The following UNC80 variants were observed in gnomAD, a reference collection of about 807,000 sequenced individuals.
The protein encoded by UNC80 is unc-80 subunit of NALCN channel complex.
In UNC80, 164 loss-of-function variants were observed where a neutral mutation model predicts 384.6. That is an observed-to-expected ratio of 0.43 (90% CI 0.38 to 0.49). The LOEUF is 0.49. Ranked by LOEUF, UNC80 falls within the 20% of genes least tolerant of loss-of-function variation. UNC80 has a pLI of 0.00. For missense variants in UNC80, 3,330 were observed against 4,143.0 expected, an observed-to-expected ratio of 0.80 and a Z score of 5.39; for synonymous variants, 1,486 against 1,527.8, an observed-to-expected ratio of 0.97 and a Z score of 0.64.
intron 59 of UNC80, 55 bp downstream of exon 59, chr2:209,978,763 G>A (rs1406441966): frequency 7.1e-7 from 1 of 1,404,114 alleles, no homozygotes; most frequent in African/African-American, 1.4e-5. Flanking sequence ...TACGAGCAGG[G>A]GCTTGGGAAG....
At chr2:209,918,197 G>A (rs977234) in intron 32 of UNC80, among the ~76,000 whole-genome samples, 224 of 152,274 alleles carry the variant, frequency 1.5e-3, no homozygotes, top group African/African-American at 5.2e-3. Context: ...AGCATTCCCA[G>A]AGGTAAGCAT....
intron 49 of UNC80, among the ~76,000 whole-genome samples, chr2:209,958,465 A>G (rs144201381): frequency 1.0e-3 from 156 of 152,330 alleles, no homozygotes; most frequent in African/African-American, 3.5e-3. Context: ...TTAAGTGTGT[A>G]TCATTATTCA....
At chr2:209,942,200 T>A (rs2091675722) in intron 44 of UNC80, among the ~76,000 whole-genome samples, 1 of 152,128 alleles carries the variant, frequency 6.6e-6, no homozygotes, top group South Asian at 2.1e-4. Flanking sequence ...TGCCTGATGA[T>A]CTGAGGTGGA....
intron 14 of UNC80, among the ~76,000 whole-genome samples, chr2:209,827,159 ATAAT>A (rs1037603467): frequency 1.3e-5 from 2 of 152,174 alleles, no homozygotes; most frequent in African/African-American, 4.8e-5. Context: ...TTTGAAAATA[ATAAT>A]TAATAAGGCT....
Position 209,831,446 on chromosome 2 carries a change from A to T in UNC80, c.2630A>T (p.Lys877Met). Residue 877 changes from lysine (K) to methionine (M), a missense_variant, in exon 16 of 65, where the codon AAG becomes ATG. Transcript: ENST00000673920. Reference protein sequence around the residue: ...GFCMEPVTDNKAGFGNNFTTV... With the variant: ...GFCMEPVTDNMAGFGNNFTTV... ...AATTTGTGCCTTTGCATTCCAGACA[A>T]GGCTGGGTTTGGAAATAACTTCACC... 4 of 1,548,030 alleles carry T rather than the reference A, an allele frequency of 2.6e-6. No homozygotes were observed. The highest frequency in any genetic ancestry group is 2.6e-6 in the Non-Finnish European group (3 of 1,145,486).
Position 209,941,295 on chromosome 2 carries a change from G to A in UNC80, c.6721G>A (p.Gly2241Ser), listed in dbSNP as rs764166622. 1.6e-4 allele frequency: 254 copies of A among 1,547,222 alleles called. 1 individual carries two copies. Among genetic ancestry groups the A allele is most frequent in the Non-Finnish European group, 2.1e-4 (243 of 1,143,448 alleles). ...CCAGCTGCTGGAGGAAATGTTCCTG[G>A]GCATGCCGAGCGAGTTTCCATGGGG... is the stretch of plus-strand genomic sequence containing the variant. ...WIQLLEEMFL[G>S]MPSEFPWGDE... Residue 2241 changes from glycine to serine, a missense_variant, in exon 44 of 65, where the codon GGC (glycine) becomes AGC (serine). Gly to Ser is a moderately conservative substitution (Grantham distance 56, BLOSUM62 0). This residue lies in a region of UNC80 where 1,049 missense variants were observed against 1,488.6 expected (regional missense o/e 0.70). Coordinates refer to ENST00000673920, the MANE Select transcript of UNC80 (RefSeq NM_001371986.1).
At chr2:209,825,111 G>A (rs1286768557) in intron 13 of UNC80, among the ~76,000 whole-genome samples, 1 of 152,214 alleles carries the variant, frequency 6.6e-6, no homozygotes, top group African/African-American at 2.4e-5. Context: ...GAATGTGGTA[G>A]AAGGACTGAG....
At chr2:209,978,857 C>T in intron 59 of UNC80, 149 bp downstream of exon 59, 1 of 740,458 alleles carries the variant, frequency 1.4e-6, no homozygotes, top group Non-Finnish European at 1.9e-6. Flanking sequence ...TGACTGATTC[C>T]ATGATTCCTA....
chr2:209,810,093 C>G (rs910104110), intron 7 of UNC80, among the ~76,000 whole-genome samples: 80 of 152,228 alleles, frequency 5.3e-4, no homozygotes, highest in African/African-American at 1.9e-3. Flanking sequence ...GACACCAGGA[C>G]GTGTCAGAGC....
In UNC80 at chr2:209,918,514, T is replaced by TC. The variant is rs1178798021; in HGVS notation, c.5212-17dup. 2 of 1,550,232 alleles carry TC rather than the reference T, an allele frequency of 1.3e-6. No homozygotes were observed. The highest frequency in any genetic ancestry group is 2.7e-5 in the African/African-American group (2 of 73,026). Reference sequence around the variant, plus strand: ...CTTATATTCCCTCTCACCTAATTTTTCTGATGTCAACTAACAGATTCCGCC... The same window carrying TC: ...CTTATATTCCCTCTCACCTAATTTTTCCTGATGTCAACTAACAGATTCCGCC... On this transcript the variant is annotated splice_polypyrimidine_tract_variant and intron_variant, in intron 32 of 64. Transcript: ENST00000673920.
At chr2:209,810,843 A>C (rs1461447780) in intron 7 of UNC80, among the ~76,000 whole-genome samples, 1 of 152,136 alleles carries the variant, frequency 6.6e-6, no homozygotes, top group Non-Finnish European at 1.5e-5. Context: ...TAATAAATCA[A>C]ATGATTTTCA....
At chr2:209,858,632 C>T (rs1370173089) in intron 22 of UNC80, among the ~76,000 whole-genome samples, 4 of 150,138 alleles carry the variant, frequency 2.7e-5, no homozygotes, top group South Asian at 2.1e-4. Context: ...AAACAGAGGT[C>T]GCAGTGAGCC....
chr2:209,969,441 G>T (rs1028112215), intron 52 of UNC80: 2 of 281,202 alleles, frequency 7.1e-6, no homozygotes, highest in African/African-American at 2.2e-5. Flanking sequence ...GTTCTATTGG[G>T]AGTAATTACC....
rs188349372 is a variant in UNC80, at chr2:209,950,335, T to C, written c.7287-3765T>C. ...AAATTTGTTCCTGATATGCTTTTTT[T>C]AAAAAAAAAATTTTAATGACTATGA... On this transcript the variant is annotated intron_variant, in intron 47 of 64. Transcript: ENST00000673920. 4.6e-4 allele frequency among the ~76,000 whole-genome samples: 70 copies of C among 151,006 alleles called. No individual in the cohort carries two copies. The Middle Eastern group carries it at 0.014, about 30-fold the overall frequency.
intron 10 of UNC80, 132 bp from the exon 11 acceptor site, chr2:209,817,680 T>C (rs1265345820): frequency 2.6e-6 from 3 of 1,145,348 alleles, no homozygotes; most frequent in East Asian, 2.6e-5. Flanking sequence ...CAGTTCTTGC[T>C]TTTTTTGTCT....
In UNC80 at chr2:209,815,325, GACCA is replaced by G; in HGVS notation, c.1271_1274del (p.Thr424IlefsTer16). 1 of 1,551,664 alleles carries G rather than the reference GACCA, an allele frequency of 6.4e-7. No homozygotes were observed. On this transcript the variant is annotated frameshift_variant, in exon 9 of 65. Coordinates refer to ENST00000673920, the MANE Select transcript of UNC80 (RefSeq NM_001371986.1). LOFTEE classifies it high-confidence loss of function. ...CTGAGGCCTTTTCCAAGGTTTCACTGACCAATCTGCGTAGATCTGCAGTCCCAGA... is the reference window on the plus strand; with the variant it reads ...CTGAGGCCTTTTCCAAGGTTTCACTGATCTGCGTAGATCTGCAGTCCCAGA...
chr2:209,800,772 G>A (rs957595483), intron 7 of UNC80, among the ~76,000 whole-genome samples: 4 of 152,086 alleles, frequency 2.6e-5, no homozygotes, highest in Non-Finnish European at 5.9e-5. Flanking sequence ...GTTCTCATTG[G>A]TTTCAAATAA....
At chr2:209,918,424 T>G in intron 32 of UNC80, 108 bp from the exon 33 acceptor site, 2 of 1,265,420 alleles carry the variant, frequency 1.6e-6, no homozygotes, top group Non-Finnish European at 2.2e-6. Context: ...CTGTGTGAAG[T>G]CACTTGGATG....
intron 18 of UNC80, among the ~76,000 whole-genome samples, chr2:209,835,291 G>A (rs779453577): frequency 1.3e-5 from 2 of 152,102 alleles, no homozygotes; most frequent in Non-Finnish European, 2.9e-5. Flanking sequence ...TTGAAAAATG[G>A]CATATATACC....
Sources: gnomAD v4.1 joint callset for allele counts (sites outside exome capture counted in the v4.1 genomes callset) on GRCh38, gnomAD v4.1.1 for gene constraint, gnomAD v4.1.1 regional missense constraint, MANE v1.5 for transcripts, NCBI Gene and HGNC (gene_info 2026-07-23, HGNC 2026-07-21) for gene names.